Variants in LNX1 observed in about 807,000 individuals in gnomAD.
The protein encoded by LNX1 is ligand of numb-protein X 1.
In LNX1, 54 loss-of-function variants were observed where a neutral mutation model predicts 68.4. That is an observed-to-expected ratio of 0.79 (90% CI 0.63 to 0.99). The LOEUF is 0.99. Ranked by LOEUF, LNX1 falls within the 50% of genes least tolerant of loss-of-function variation. The probability of loss-of-function intolerance (pLI) is 0.00; values close to 1 mark genes in which losing one functional copy is unlikely to be tolerated. For missense variants in LNX1, 906 were observed against 926.4 expected (o/e 0.98, Z 0.29); for synonymous variants, 336 against 350.0 (o/e 0.96, Z 0.45).
chr4:53,477,593 G>C (rs1723648423), intron 8 of LNX1, among the ~76,000 whole-genome samples: 1 of 152,148 alleles, frequency 6.6e-6, no homozygotes, highest in Non-Finnish European at 1.5e-5. Context: ...CTGTTAACAA[G>C]TCATTTGTTA....
intron 2 of LNX1, among the ~76,000 whole-genome samples, chr4:53,564,935 TC>T (rs1449884866): frequency 1.3e-5 from 2 of 152,168 alleles, no homozygotes; most frequent in Non-Finnish European, 2.9e-5. Flanking sequence ...ACTGCGCTTT[TC>T]CGACGGGCTT....
At chr4:53,609,899 T>C (rs1733411407) in intron 2 of LNX1, among the ~76,000 whole-genome samples, 3 of 150,656 alleles carry the variant, frequency 2.0e-5, no homozygotes. Context: ...ATAATTTTTA[T>C]TATAAATACT....
chr4:53,645,128 G>T (rs1050857341), intron 1 of LNX1, among the ~76,000 whole-genome samples: 1 of 152,172 alleles, frequency 6.6e-6, no homozygotes, highest in African/African-American at 2.4e-5. Flanking sequence ...ATTTTTGCCT[G>T]TGTTTTTCTC....
chr4:53,553,486 A>G (rs1157870082), intron 2 of LNX1, among the ~76,000 whole-genome samples: 1 of 152,166 alleles, frequency 6.6e-6, no homozygotes, highest in Non-Finnish European at 1.5e-5. Flanking sequence ...CTCAGAACCT[A>G]CACTGTTCTA....
intron 1 of LNX1, among the ~76,000 whole-genome samples, chr4:53,649,907 G>A (rs1403978181): frequency 6.6e-6 from 1 of 152,150 alleles, no homozygotes; most frequent in Admixed American, 6.5e-5. Flanking sequence ...CTGGAACCTC[G>A]TAAGCGCTTT....
At chr4:53,552,330 G>A (rs1463872983) in intron 2 of LNX1, among the ~76,000 whole-genome samples, 2 of 152,190 alleles carry the variant, frequency 1.3e-5, no homozygotes, top group Non-Finnish European at 2.9e-5. Flanking sequence ...GCAAGAGCAG[G>A]TCACACCATC....
At chr4:53,469,293 G>A (rs569834541) in intron 9 of LNX1, among the ~76,000 whole-genome samples, 12 of 152,222 alleles carry the variant, frequency 7.9e-5, no homozygotes, top group African/African-American at 2.6e-4. Flanking sequence ...TGAAACCAAC[G>A]AGAACAAAGA....
intron 2 of LNX1, among the ~76,000 whole-genome samples, chr4:53,544,983 T>C (rs781081990): frequency 2.0e-5 from 3 of 152,166 alleles, no homozygotes; most frequent in Non-Finnish European, 2.9e-5. Flanking sequence ...TATGTAGAGT[T>C]TGCATTGCAC....
chr4:53,552,009 T>A (rs1729549218), intron 2 of LNX1, among the ~76,000 whole-genome samples: 1 of 152,220 alleles, frequency 6.6e-6, no homozygotes, highest in South Asian at 2.1e-4. Context: ...AGTACTACTA[T>A]CTCTATAGGG....
intron 9 of LNX1, among the ~76,000 whole-genome samples, chr4:53,473,572 G>A (rs1376587734): frequency 1.3e-5 from 2 of 152,138 alleles, no homozygotes; most frequent in African/African-American, 4.8e-5. Flanking sequence ...AATACTTCAT[G>A]TTCTCACTTA....
intron 2 of LNX1, chr4:53,603,881 T>A (rs919290545): frequency 5.9e-5 from 9 of 152,246 alleles, no homozygotes; most frequent in African/African-American, 1.9e-4. Context: ...TCCTGACATC[T>A]GTTCTGACTG....
At chr4:53,464,870 G>GAGTC (rs1348160484) in intron 9 of LNX1, among the ~76,000 whole-genome samples, 1 of 152,122 alleles carries the variant, frequency 6.6e-6, no homozygotes, top group African/African-American at 2.4e-5. Flanking sequence ...TTGTACTATA[G>GAGTC]AGTCAAATTT....
intron 2 of LNX1, among the ~76,000 whole-genome samples, chr4:53,562,212 T>C (rs1187493525): frequency 6.6e-6 from 1 of 152,214 alleles, no homozygotes; most frequent in African/African-American, 2.4e-5. Context: ...CACCTTCTCA[T>C]TGAAAGTCTG....
intron 2 of LNX1, among the ~76,000 whole-genome samples, chr4:53,569,078 C>T (rs112354403): frequency 0.11 from 16,125 of 150,716 alleles, 874 homozygotes; most frequent in East Asian, 0.2. Flanking sequence ...GTGAAAATGG[C>T]CATACTGCCC....
At chr4:53,506,983 G>A (rs921933507) in intron 4 of LNX1, among the ~76,000 whole-genome samples, 7 of 151,074 alleles carry the variant, frequency 4.6e-5, no homozygotes, top group Non-Finnish European at 1.0e-4. Context: ...AGTAAGGAGA[G>A]CGAATATATA....
At chr4:53,647,732 G>A (rs1734942844) in intron 1 of LNX1, among the ~76,000 whole-genome samples, 1 of 152,188 alleles carries the variant, frequency 6.6e-6, no homozygotes, top group Admixed American at 6.5e-5. Context: ...TTGCAAAACT[G>A]AAACTCGTCA....
At chr4:53,494,253 T>C (rs1724901332) in intron 6 of LNX1, among the ~76,000 whole-genome samples, 1 of 152,172 alleles carries the variant, frequency 6.6e-6, no homozygotes, top group Admixed American at 6.5e-5. Flanking sequence ...TTGACCCTCA[T>C]TCTCTCTTGC....
At chr4:53,571,079 C>CCTAATCTT (rs201107535) in intron 2 of LNX1, among the ~76,000 whole-genome samples, 2,048 of 151,356 alleles carry the variant, frequency 0.014, 59 homozygotes, top group African/African-American at 0.047. Flanking sequence ...CGCTCTGTCA[C>CCTAATCTT]CTAATCTTGG....
intron 2 of LNX1, among the ~76,000 whole-genome samples, chr4:53,562,641 C>T (rs1019458757): frequency 6.6e-6 from 1 of 152,182 alleles, no homozygotes; most frequent in African/African-American, 2.4e-5. Context: ...TGACTTAAGT[C>T]TCCTGTTGGG....
Sources: gnomAD v4.1 joint callset for allele counts (sites outside exome capture counted in the v4.1 genomes callset) on GRCh38, gnomAD v4.1.1 for gene constraint, MANE v1.5 for transcripts, NCBI Gene and HGNC (gene_info 2026-07-23, HGNC 2026-07-21) for gene names.